AFF2: variants seen among roughly 807,000 people sequenced by gnomAD.
AFF2 encodes the protein ALF transcription elongation factor 2.
In AFF2, 14 loss-of-function variants were observed where a neutral mutation model predicts 76.9. That is an observed-to-expected ratio of 0.18 (90% confidence interval 0.12 to 0.28). AFF2 has a LOEUF of 0.28. Among genes scored for constraint, AFF2 ranks in the 10% least tolerant of loss-of-function variants. The probability of loss-of-function intolerance (pLI) is 1.00; values close to 1 mark genes in which losing one functional copy is unlikely to be tolerated. For synonymous variants in AFF2, 398 were observed against 366.7 expected (o/e 1.09, Z -0.98); for missense variants, 868 against 1,001.1 (o/e 0.87, Z 1.79).
intron 1 of AFF2, among the ~76,000 whole-genome samples, chrX:148,619,736 A>G (rs1382982262): frequency 5.4e-5 from 6 of 111,799 alleles, no homozygotes; most frequent in African/African-American, 1.9e-4. Context: ...AGTCAAACGG[A>G]TGATATGTAC....
chrX:148,832,808 G>C (rs782673758), intron 4 of AFF2, among the ~76,000 whole-genome samples: 4 of 111,615 alleles, frequency 3.6e-5, no homozygotes, highest in Non-Finnish European at 7.5e-5. Context: ...AACTTGACCA[G>C]GGCCACCCAC....
At chrX:148,807,133 A>G (rs559794708) in intron 3 of AFF2, among the ~76,000 whole-genome samples, 1 of 112,276 alleles carries the variant, frequency 8.9e-6, no homozygotes, top group East Asian at 2.8e-4. Context: ...AGTCATTATT[A>G]GATGTGCTGC....
intron 3 of AFF2, among the ~76,000 whole-genome samples, chrX:148,684,927 A>G (rs1332066315): frequency 8.9e-6 from 1 of 112,541 alleles, no homozygotes; most frequent in Non-Finnish European, 1.9e-5. Context: ...ATGTTTAGGA[A>G]TCAAAGCAGT....
At chrX:148,941,776 T>G (rs2071839012) in intron 9 of AFF2, among the ~76,000 whole-genome samples, 1 of 111,840 alleles carries the variant, frequency 8.9e-6, no homozygotes, top group Admixed American at 9.5e-5. Flanking sequence ...TTTGCCTGAT[T>G]ATTTTCATCA....
intron 7 of AFF2, 147 bp from the exon 8 acceptor site, chrX:148,885,742 G>T: frequency 2.0e-6 from 1 of 498,663 alleles, no homozygotes; most frequent in South Asian, 3.2e-5. Context: ...CTAATTAGCT[G>T]AAACAATCTT....
rs781967077 is a variant in AFF2, at chrX:148,993,411, A to C, written c.*2079A>C. On this transcript the variant is annotated 3_prime_UTR_variant, in exon 21 of 21. Coordinates refer to ENST00000370460, the MANE Select transcript of AFF2 (RefSeq NM_002025.4). ...TAAGCTGATGACTTTGCAGTGACTC[A>C]AGTTGTCTCTTTATCATGGTTTACC... The C allele has an allele frequency of 9.8e-5, 11 of 112,227 alleles. No homozygotes were observed. Among genetic ancestry groups the C allele is most frequent in the Non-Finnish European group, 1.3e-4 (7 of 53,288 alleles). The allele number at this position is 112,227 out of a possible 1,213,427, so 9.2% of individuals were successfully genotyped here.
At chrX:148,570,240 A>G (rs2124324299) in intron 1 of AFF2, among the ~76,000 whole-genome samples, 1 of 111,946 alleles carries the variant, frequency 8.9e-6, no homozygotes, top group East Asian at 2.8e-4. Context: ...GAAATTTCAT[A>G]TCACCCAATA....
At chrX:148,552,401 G>T (rs1434554304) in intron 1 of AFF2, among the ~76,000 whole-genome samples, 1 of 111,712 alleles carries the variant, frequency 9.0e-6, no homozygotes, top group Admixed American at 9.5e-5. Context: ...AGTAGGCAGG[G>T]TCTTCACAAG....
At chrX:148,521,412 T>TACACA in intron 1 of AFF2, among the ~76,000 whole-genome samples, 1 of 73,243 alleles carries the variant, frequency 1.4e-5, no homozygotes, top group Non-Finnish European at 2.8e-5. Flanking sequence ...ACACACACAC[T>TACACA]CACTGAGACT....
intron 1 of AFF2, among the ~76,000 whole-genome samples, chrX:148,573,539 G>C (rs1263608063): frequency 9.0e-6 from 1 of 110,772 alleles, no homozygotes; most frequent in African/African-American, 3.3e-5. Flanking sequence ...CACATGGAAA[G>C]CACCTTAAAA....
intron 1 of AFF2, among the ~76,000 whole-genome samples, chrX:148,581,532 A>ATACGTATACGTGTACACACATG (rs1569551666): frequency 3.2e-5 from 3 of 93,673 alleles, no homozygotes; most frequent in African/African-American, 1.3e-4. Context: ...GTACACACAT[A>ATACGTATACGTGTACACACATG]TATACGTATA....
chrX:148,717,687 C>T lies in AFF2; in HGVS notation c.1041+54919C>T, dbSNP rs782737603. 7.2e-5 allele frequency among the ~76,000 whole-genome samples: 8 copies of T among 111,397 alleles called. No individual in the cohort carries two copies. The East Asian group carries it at 2.0e-3, about 28-fold the overall frequency. ...TCTGAGCTGCAAACATACCAGGTAGCGGGGGCAGCCATTCAAAGGGTCATA... is the reference window on the plus strand; with the variant it reads ...TCTGAGCTGCAAACATACCAGGTAGTGGGGGCAGCCATTCAAAGGGTCATA... On this transcript the variant is annotated intron_variant, in intron 3 of 20. Coordinates refer to ENST00000370460, the MANE Select transcript of AFF2 (RefSeq NM_002025.4).
chrX:148,830,269 G>T (rs1282611099), intron 4 of AFF2, among the ~76,000 whole-genome samples: 1 of 112,205 alleles, frequency 8.9e-6, no homozygotes, highest in East Asian at 2.8e-4. Flanking sequence ...TGCCTGAGGG[G>T]GCCTAGTAGG....
intron 3 of AFF2, among the ~76,000 whole-genome samples, chrX:148,712,008 C>T: frequency 9.0e-6 from 1 of 111,473 alleles, no homozygotes; most frequent in East Asian, 2.8e-4. Context: ...TTGCTCATCT[C>T]GATGCTGTGC....
chrX:148,651,862 T>C, intron 1 of AFF2, 137 bp from the exon 2 acceptor site: 1 of 457,647 alleles, frequency 2.2e-6, no homozygotes, highest in African/African-American at 2.4e-5. Flanking sequence ...AAAAGGATTA[T>C]CTGTTCTCTA....
intron 1 of AFF2, among the ~76,000 whole-genome samples, chrX:148,637,374 G>A (rs1292032039): frequency 1.8e-5 from 2 of 112,265 alleles, no homozygotes; most frequent in African/African-American, 3.2e-5. Context: ...TAATTAAACA[G>A]GATGGCATAA....
At chrX:148,891,617 TA>T in intron 8 of AFF2, among the ~76,000 whole-genome samples, 1 of 111,909 alleles carries the variant, frequency 8.9e-6, no homozygotes, top group Non-Finnish European at 1.9e-5. Flanking sequence ...TAGAGCCAGG[TA>T]AACATCTGCT....
At chrX:148,781,645 TG>T (rs1414702117) in intron 3 of AFF2, among the ~76,000 whole-genome samples, 1 of 111,694 alleles carries the variant, frequency 9.0e-6, no homozygotes, top group Non-Finnish European at 1.9e-5. Flanking sequence ...TCCATGGGGG[TG>T]GGATCCACTG....
rs782482362 is a variant in AFF2, at chrX:148,662,454, G to C, written c.727G>C (p.Glu243Gln). 3 of 1,210,354 alleles carry C rather than the reference G, an allele frequency of 2.5e-6. No individual in the cohort carries two copies. The highest frequency in any genetic ancestry group is 3.4e-6 in the Non-Finnish European group (3 of 895,280). ...TCAATCCAATTCACCGGAAGAATCT[G>C]AATTCGCCGTGCAAGCGCCTGGGTC... ...IFQSNSPEES[E>Q]FAVQAPGSPL... Residue 243 changes from glutamate (E) to glutamine (Q), a missense_variant, in exon 3 of 21, where the codon GAA becomes CAA. Glu to Gln is a conservative substitution (Grantham distance 29). This residue lies in a region of AFF2 where 196 missense variants were observed against 194.8 expected (regional missense o/e 1.01). Transcript: ENST00000370460.
Sources: allele counts gnomAD v4.1 joint callset (sites outside exome capture counted in the v4.1 genomes callset), GRCh38; gene constraint gnomAD v4.1.1; regional missense constraint gnomAD v4.1.1; transcripts MANE v1.5; gene names NCBI Gene and HGNC (gene_info 2026-07-23, HGNC 2026-07-21).